Variants in NAALADL2 observed in about 807,000 individuals in gnomAD.
The protein encoded by NAALADL2 is N-acetylated alpha-linked acidic dipeptidase like 2.
Under a neutral mutation model 87.2 loss-of-function variants are expected in NAALADL2, and 76 were observed. That is an observed-to-expected ratio of 0.87 (90% CI 0.72 to 1.05). The LOEUF (loss-of-function observed/expected upper bound fraction) is 1.05. NAALADL2 is among the 50% of genes least tolerant of loss of function. The probability of loss-of-function intolerance (pLI) is 0.00; values close to 1 mark genes in which losing one functional copy is unlikely to be tolerated. For missense variants in NAALADL2, 1,089 were observed against 945.8 expected, an observed-to-expected ratio of 1.15 and a Z score of -1.99; for synonymous variants, 354 against 331.0, an observed-to-expected ratio of 1.07 and a Z score of -0.75.
chr3:175,459,032 T>C (rs1560584180), intron 6 of NAALADL2, among the ~76,000 whole-genome samples: 1 of 151,830 alleles, frequency 6.6e-6, no homozygotes, highest in African/African-American at 2.4e-5. Flanking sequence ...CTAGACACTA[T>C]CCCCACCATC....
rs184269241 is a variant in NAALADL2 at position 175,608,984 on chromosome 3, A to C, written c.1801-18307A>C. Among the ~76,000 whole-genome samples, 51 of 103,486 alleles carry C rather than the reference A, an allele frequency of 4.9e-4. No homozygotes were observed. In the Admixed American group the frequency reaches 5.3e-3, roughly 11 times the overall value. 67.9% of individuals were successfully genotyped at this position (103,486 alleles called of 152,430 possible). On this transcript the variant is annotated intron_variant, in intron 10 of 13. Transcript: ENST00000454872. ...CCAAAGAGATAATCGTCTTGATCCAAGGCCCAGTGTGATTTTTTTTTTTTT... is the reference window on the plus strand; with the variant it reads ...CCAAAGAGATAATCGTCTTGATCCACGGCCCAGTGTGATTTTTTTTTTTTT...
chr3:174,910,751 G>A (rs952637373), intron 1 of NAALADL2, among the ~76,000 whole-genome samples: 9 of 152,006 alleles, frequency 5.9e-5, no homozygotes, highest in Non-Finnish European at 1.0e-4. Flanking sequence ...CTTCACCTGT[G>A]ACATGTGACT....
At chr3:174,896,717 A>C (rs1383392710) in intron 1 of NAALADL2, among the ~76,000 whole-genome samples, 2 of 152,208 alleles carry the variant, frequency 1.3e-5, no homozygotes, top group Non-Finnish European at 2.9e-5. Flanking sequence ...AGAATAGCCA[A>C]AGCTCTCTTA....
chr3:174,757,935 G>T (rs1712352084), intron 3 of NAALADL2, among the ~76,000 whole-genome samples: 1 of 152,208 alleles, frequency 6.6e-6, no homozygotes, highest in African/African-American at 2.4e-5. Context: ...TCTTAGAAAA[G>T]TACAGGAATA....
chr3:175,167,723 C>T (rs1734195186), intron 2 of NAALADL2, among the ~76,000 whole-genome samples: 1 of 151,954 alleles, frequency 6.6e-6, no homozygotes, highest in South Asian at 2.1e-4. Flanking sequence ...ATCTTCCATC[C>T]CCACTTCTCA....
At chr3:175,384,323 A>G (rs966625597) in intron 5 of NAALADL2, among the ~76,000 whole-genome samples, 25 of 152,040 alleles carry the variant, frequency 1.6e-4, no homozygotes, top group Admixed American at 1.6e-3. Flanking sequence ...AAACTCTCCT[A>G]GATTTCACTG....
intron 1 of NAALADL2, among the ~76,000 whole-genome samples, chr3:174,924,066 GCTTTT>G (rs916554219): frequency 1.3e-5 from 2 of 151,938 alleles, no homozygotes; most frequent in Admixed American, 6.6e-5. Context: ...GCTGTTACAT[GCTTTT>G]CTTTTTTTAT....
At chr3:175,155,286 CTTGCT>C (rs1732141667) in intron 2 of NAALADL2, among the ~76,000 whole-genome samples, 1 of 152,116 alleles carries the variant, frequency 6.6e-6, no homozygotes, top group Non-Finnish European at 1.5e-5. Context: ...CCAGGTATTC[CTTGCT>C]AGTGAGTACC....
intron 6 of NAALADL2, among the ~76,000 whole-genome samples, chr3:175,450,002 A>G (rs1178053876): frequency 6.6e-6 from 1 of 152,236 alleles, no homozygotes; most frequent in Non-Finnish European, 1.5e-5. Context: ...CAGAATATAC[A>G]TTTAAATTTT....
At chr3:175,800,680 C>T (rs1754039750) in intron 13 of NAALADL2, among the ~76,000 whole-genome samples, 1 of 152,086 alleles carries the variant, frequency 6.6e-6, no homozygotes, top group Non-Finnish European at 1.5e-5. Flanking sequence ...CTTATACCAA[C>T]ATTATTGAGG....
Position 175,633,412 on chromosome 3 carries a change from A to C in NAALADL2, c.1896+6026A>C, listed in dbSNP as rs572385096. Reference sequence around the variant, plus strand: ...AAATACTCAATTAATGATCATTGGTAACTTGTATTAAAACAAATGAAACAA... The same window carrying C: ...AAATACTCAATTAATGATCATTGGTCACTTGTATTAAAACAAATGAAACAA... On this transcript the variant is annotated intron_variant, in intron 11 of 13. Coordinates refer to ENST00000454872, the MANE Select transcript of NAALADL2 (RefSeq NM_207015.3). Among the ~76,000 whole-genome samples the C allele has an allele frequency of 1.2e-3, 183 of 152,214 alleles. 1 individual carries two copies. The highest frequency in any genetic ancestry group is 1.4e-3 in the Admixed American group (22 of 15,266).
chr3:175,150,361 A>AT (rs1731369147), intron 2 of NAALADL2, among the ~76,000 whole-genome samples: 2 of 151,930 alleles, frequency 1.3e-5, no homozygotes, highest in East Asian at 1.9e-4. Context: ...GTACCATTAA[A>AT]TTTTTTTTCT....
intron 2 of NAALADL2, among the ~76,000 whole-genome samples, chr3:174,556,347 T>C (rs1171061813): frequency 6.6e-6 from 1 of 152,196 alleles, no homozygotes; most frequent in Admixed American, 6.5e-5. Flanking sequence ...TACACATCTT[T>C]AGCAAGTATG....
intron 2 of NAALADL2, among the ~76,000 whole-genome samples, chr3:175,184,416 A>T (rs1026727079): frequency 6.6e-6 from 1 of 152,134 alleles, no homozygotes; most frequent in Non-Finnish European, 1.5e-5. Context: ...CCTCTACTGC[A>T]GCTTTTAGCA....
At chr3:174,775,470 A>G (rs781319236) in intron 3 of NAALADL2, among the ~76,000 whole-genome samples, 1 of 152,208 alleles carries the variant, frequency 6.6e-6, no homozygotes, top group African/African-American at 2.4e-5. Flanking sequence ...AGCATGTATC[A>G]GTATTTTATT....
chr3:175,241,974 G>A (rs1746996605), intron 3 of NAALADL2, among the ~76,000 whole-genome samples: 1 of 142,226 alleles, frequency 7.0e-6, no homozygotes, highest in Admixed American at 7.7e-5. Flanking sequence ...TGATTCTCTT[G>A]CCTCAGCCTC....
chr3:175,162,391 T>G (rs1290156408), intron 2 of NAALADL2, among the ~76,000 whole-genome samples: 1 of 152,124 alleles, frequency 6.6e-6, no homozygotes, highest in East Asian at 1.9e-4. Context: ...CAGGTTGAAG[T>G]CGTATCAGTA....
intron 2 of NAALADL2, among the ~76,000 whole-genome samples, chr3:175,185,904 A>AT (rs1423099982): frequency 6.6e-6 from 1 of 151,864 alleles, no homozygotes; most frequent in Non-Finnish European, 1.5e-5. Flanking sequence ...TTCTTTTAAA[A>AT]TTTATATTTT....
At chr3:174,467,424 G>C (rs58816310) in intron 1 of NAALADL2, among the ~76,000 whole-genome samples, 63,532 of 151,186 alleles carry the variant, frequency 0.42, 14,371 homozygotes, top group East Asian at 0.88. Context: ...GAAACCCCGT[G>C]GCTACTAAAA....
Sources: allele counts gnomAD v4.1 joint callset (sites outside exome capture counted in the v4.1 genomes callset), GRCh38; gene constraint gnomAD v4.1.1; transcripts MANE v1.5; gene names NCBI Gene and HGNC (gene_info 2026-07-23, HGNC 2026-07-21).